The following SLC2A9 variants were observed in gnomAD, a reference collection of about 807,000 sequenced individuals.
The protein encoded by SLC2A9 is solute carrier family 2, facilitated glucose transporter member 9.
In SLC2A9, 39 loss-of-function variants were observed where a neutral mutation model predicts 50.6. That is an observed-to-expected ratio of 0.77 (90% CI 0.60 to 1.01). The LOEUF is 1.01. Ranked by LOEUF, SLC2A9 falls within the 50% of genes least tolerant of loss-of-function variation. SLC2A9 has a pLI of 0.00. For missense variants in SLC2A9, 686 were observed against 677.6 expected, an observed-to-expected ratio of 1.01 and a Z score of -0.14; for synonymous variants, 324 against 276.9, an observed-to-expected ratio of 1.17 and a Z score of -1.69.
At chr4:9,892,076 G>A (rs1415365898) in intron 8 of SLC2A9, among the ~76,000 whole-genome samples, 1 of 152,234 alleles carries the variant, frequency 6.6e-6, no homozygotes, top group Non-Finnish European at 1.5e-5. Flanking sequence ...CTGCTCCTTA[G>A]AGGGAGGCAG....
chr4:9,802,984 A>G (rs1411627776), intron 3 of SLC2A9, among the ~76,000 whole-genome samples: 1 of 152,230 alleles, frequency 6.6e-6, no homozygotes, highest in East Asian at 1.9e-4. Context: ...GCTGGACTGC[A>G]GGAATTCACT....
intron 2 of SLC2A9, among the ~76,000 whole-genome samples, chr4:10,015,116 A>T (rs535127546): frequency 2.0e-5 from 3 of 152,268 alleles, no homozygotes; most frequent in Admixed American, 6.5e-5. Context: ...AGCATCATCC[A>T]CCTTATGCTT....
intron 7 of SLC2A9, among the ~76,000 whole-genome samples, 158 bp downstream of exon 7, chr4:9,920,225 CTG>C (rs1743660942): frequency 6.6e-6 from 1 of 152,226 alleles, no homozygotes; most frequent in Non-Finnish European, 1.5e-5. Context: ...GATGAGGAAA[CTG>C]AGGATCAGTC....
intron 10 of SLC2A9, among the ~76,000 whole-genome samples, chr4:9,875,981 G>T (rs1422999380): frequency 6.6e-6 from 1 of 152,174 alleles, no homozygotes; most frequent in Non-Finnish European, 1.5e-5. Context: ...TTGCCTGTTT[G>T]GTTCTCAGAA....
chr4:10,023,853 G>A (rs547194505), upstream of SLC2A9, among the ~76,000 whole-genome samples: 1 of 152,320 alleles, frequency 6.6e-6, no homozygotes, highest in African/African-American at 2.4e-5. Context: ...CCAAAGCGAG[G>A]GCTGGTTCCC....
intron 5 of SLC2A9, among the ~76,000 whole-genome samples, chr4:9,951,440 G>T (rs1444303361): frequency 6.6e-6 from 1 of 152,160 alleles, no homozygotes; most frequent in South Asian, 2.1e-4. Context: ...TAACAAAAAT[G>T]TATTTTATTC....
At chr4:10,031,306 T>C (rs1763934774) in intron 1 of SLC2A9, among the ~76,000 whole-genome samples, 2 of 152,288 alleles carry the variant, frequency 1.3e-5, no homozygotes, top group Non-Finnish European at 2.9e-5. Context: ...GTTTTCATTA[T>C]TCAATTGTTT....
intron 7 of SLC2A9, among the ~76,000 whole-genome samples, chr4:9,911,734 G>T (rs1741836897): frequency 6.6e-6 from 1 of 152,204 alleles, no homozygotes; most frequent in Admixed American, 6.5e-5. Context: ...GTCTTTCAGG[G>T]TTCTTGTAAA....
chr4:9,951,050 T>C (rs1428947523), intron 5 of SLC2A9, among the ~76,000 whole-genome samples: 1 of 152,226 alleles, frequency 6.6e-6, no homozygotes, highest in African/African-American at 2.4e-5. Context: ...CACATGTTTA[T>C]TGCAGTACTA....
chr4:9,842,341 C>A (rs1324563927), intron 10 of SLC2A9, among the ~76,000 whole-genome samples: 1 of 152,052 alleles, frequency 6.6e-6, no homozygotes, highest in African/African-American at 2.4e-5. Flanking sequence ...GAAAACAATC[C>A]CTTCTTACAA....
chr4:10,002,907 G>C (rs1760099647), intron 2 of SLC2A9, among the ~76,000 whole-genome samples: 1 of 152,178 alleles, frequency 6.6e-6, no homozygotes, highest in Non-Finnish European at 1.5e-5. Context: ...TGCTTGGGCT[G>C]GATACTCCGT....
At chr4:9,887,497 A>C (rs535562045) in intron 10 of SLC2A9, 70 bp downstream of exon 10, 2 of 1,436,658 alleles carry the variant, frequency 1.4e-6, no homozygotes, top group East Asian at 5.3e-5. Context: ...CATCTGTATG[A>C]GGAGAGCCCC....
chr4:9,846,536 CTGCTGACCACCAGGTGAGAGGCTT>C, intron 10 of SLC2A9, among the ~76,000 whole-genome samples: 1 of 152,332 alleles, frequency 6.6e-6, no homozygotes, highest in Non-Finnish European at 1.5e-5. Context: ...TCCTCTGGCT[CTGCTGACCACCAGGTGAGAGGCTT>C]TGGTCCTTCT....
At chr4:9,818,848 T>G (rs1723995592) in intron 3 of SLC2A9, among the ~76,000 whole-genome samples, 1 of 151,894 alleles carries the variant, frequency 6.6e-6, no homozygotes, top group Non-Finnish European at 1.5e-5. Flanking sequence ...TTGGGCTGGG[T>G]GCGGTGGCTC....
At chr4:9,869,003 G>T (rs1732968644) in intron 10 of SLC2A9, among the ~76,000 whole-genome samples, 1 of 152,136 alleles carries the variant, frequency 6.6e-6, no homozygotes, top group Admixed American at 6.5e-5. Context: ...TCCCTGCTCA[G>T]CCAGGCTCCC....
chr4:9,904,144 T>C (rs778509604), intron 8 of SLC2A9, among the ~76,000 whole-genome samples: 24 of 152,140 alleles, frequency 1.6e-4, no homozygotes, highest in Non-Finnish European at 3.1e-4. Context: ...CTGTATTAGT[T>C]TCCTATTGCT....
intron 10 of SLC2A9, chr4:9,879,553 G>A (rs1278517562): frequency 3.0e-6 from 3 of 985,344 alleles, no homozygotes; most frequent in East Asian, 1.1e-4. Flanking sequence ...TCTTTCCAGA[G>A]GGGTCCTTTT....
At chr4:9,802,083 C>T (rs1323370982) in intron 3 of SLC2A9, among the ~76,000 whole-genome samples, 1 of 152,144 alleles carries the variant, frequency 6.6e-6, no homozygotes, top group East Asian at 1.9e-4. Flanking sequence ...GGCCTTGTTC[C>T]TGCTTCTCCA....
intron 2 of SLC2A9, among the ~76,000 whole-genome samples, chr4:10,008,731 T>C (rs1761227222): frequency 6.6e-6 from 1 of 152,192 alleles, no homozygotes; most frequent in Admixed American, 6.5e-5. Flanking sequence ...GTGTACCATC[T>C]ATTAGCTAGG....
Sources: gnomAD v4.1 joint callset for allele counts (sites outside exome capture counted in the v4.1 genomes callset) on GRCh38, gnomAD v4.1.1 for gene constraint, MANE v1.5 for transcripts, NCBI Gene and HGNC (gene_info 2026-07-23, HGNC 2026-07-21) for gene names.